The following WWC2 variants were observed in gnomAD, a reference collection of about 807,000 sequenced individuals.
The protein encoded by WWC2 is protein WWC2.
In WWC2, 101 loss-of-function variants were observed where a neutral mutation model predicts 138.5. The ratio of observed to expected loss-of-function variants is 0.73; its 90% confidence interval spans 0.62 to 0.86. The LOEUF (loss-of-function observed/expected upper bound fraction) is 0.86. Ranked by LOEUF, WWC2 falls within the 40% of genes least tolerant of loss-of-function variation. The pLI is 0.00. For synonymous variants in WWC2, 558 were observed against 538.4 expected (o/e 1.04, Z -0.50); for missense variants, 1,420 against 1,419.4 (o/e 1.00, Z -0.01).
In WWC2 at chr4:183,223,456, T is replaced by G. The variant is rs1304141578; in HGVS notation, c.522+14431T>G. On this transcript the variant is annotated intron_variant, in intron 4 of 22. Coordinates refer to ENST00000403733, the MANE Select transcript of WWC2 (RefSeq NM_024949.6). ...TACTTTCAGCCTACCCTCTGAATTA[T>G]TTTCATGACAACTTGAAATAGTGTA... 3.9e-5 allele frequency among the ~76,000 whole-genome samples: 6 copies of G among 152,238 alleles called. No individual in the cohort carries two copies. The East Asian group carries it at 1.2e-3, about 29-fold the overall frequency.
At chr4:183,314,018 T>C (rs1465483647) in intron 22 of WWC2, among the ~76,000 whole-genome samples, 1 of 151,848 alleles carries the variant, frequency 6.6e-6, no homozygotes, top group Non-Finnish European at 1.5e-5. Flanking sequence ...GTTTTTGAAG[T>C]GTGGGGAAGC....
chr4:183,173,146 G>A (rs1260583750), intron 1 of WWC2, among the ~76,000 whole-genome samples: 2 of 152,168 alleles, frequency 1.3e-5, no homozygotes, highest in East Asian at 3.9e-4. Flanking sequence ...CTAGGTTCAA[G>A]TGATCCTCCC....
chr4:183,273,610 T>C (rs1737766074), intron 16 of WWC2, among the ~76,000 whole-genome samples: 1 of 152,146 alleles, frequency 6.6e-6, no homozygotes, highest in Admixed American at 6.5e-5. Flanking sequence ...GCCTGTTTAT[T>C]TTTTTATTAT....
chr4:183,208,056 G>A lies in WWC2; in HGVS notation c.345G>A (p.Lys115=). Residue 115 remains lysine (K), a synonymous_variant, in exon 3 of 23, where the codon AAG becomes AAA. Coordinates refer to ENST00000403733, the MANE Select transcript of WWC2 (RefSeq NM_024949.6). ...SVAQDALRTQ[K]ELYHVKEQRL... is the part of the protein sequence containing the mutation. ...CACAGGATGCCCTCCGGACACAGAA[G>A]GAACTGTACCATGTGAAGGAGCAGA... 1 of 1,613,922 alleles carries A rather than the reference G, an allele frequency of 6.2e-7. No homozygotes were observed. The highest frequency in any genetic ancestry group is 8.5e-7 in the Non-Finnish European group (1 of 1,179,830).
At chr4:183,288,861 G>GA (rs1738338928) in intron 20 of WWC2, among the ~76,000 whole-genome samples, 1 of 152,172 alleles carries the variant, frequency 6.6e-6, no homozygotes, top group African/African-American at 2.4e-5. Context: ...CTGTATTCAG[G>GA]CTGACTGTCA....
chr4:183,216,513 A>G (rs1177520076), intron 4 of WWC2, among the ~76,000 whole-genome samples: 1 of 152,232 alleles, frequency 6.6e-6, no homozygotes, highest in African/African-American at 2.4e-5. Context: ...AAGATTAACT[A>G]CCACAAGAAT....
intron 1 of WWC2, among the ~76,000 whole-genome samples, chr4:183,102,671 C>T (rs748526554): frequency 6.6e-6 from 1 of 152,144 alleles, no homozygotes; most frequent in Non-Finnish European, 1.5e-5. Context: ...ATTTTTCAGG[C>T]TGAGTGACTA....
intron 16 of WWC2, among the ~76,000 whole-genome samples, chr4:183,276,036 G>A (rs1737844791): frequency 6.6e-6 from 1 of 151,970 alleles, no homozygotes; most frequent in Admixed American, 6.6e-5. Flanking sequence ...GCATCTTTCT[G>A]TTCAACTGAA....
At position 183,208,966 on chromosome 4, in the gene WWC2, T is replaced by C. The variant is rs1735518800; in HGVS notation, c.463T>C (p.Ser155Pro). The change falls in exon 4 of 23, where the codon TCC (serine) becomes CCC (proline). Residue 155 changes from serine (S) to proline (P), a missense_variant. Coordinates refer to ENST00000403733, the MANE Select transcript of WWC2 (RefSeq NM_024949.6). ...TATAAAAGTATTCTCAGGATCTTCA[T>C]CCAGTACTAAATATGATCCCGATAT... is the stretch of plus-strand genomic sequence containing the variant. The part of the protein sequence containing the change: ...SHTSLFSGSS[S>P]STKYDPDILK... 6.4e-7 allele frequency: 1 copy of C among 1,562,450 alleles called. No individual in the cohort carries two copies. Among genetic ancestry groups the C allele is most frequent in the Non-Finnish European group, 8.7e-7 (1 of 1,150,126 alleles).
intron 17 of WWC2, 142 bp from the exon 18 acceptor site, chr4:183,282,566 A>T: frequency 1.3e-6 from 1 of 784,336 alleles, no homozygotes; most frequent in Non-Finnish European, 2.0e-6. Context: ...TGAGACATTT[A>T]GTTAAAAACC....
chr4:183,226,794 T>C (rs1283678564), intron 4 of WWC2, among the ~76,000 whole-genome samples: 1 of 152,086 alleles, frequency 6.6e-6, no homozygotes, highest in African/African-American at 2.4e-5. Context: ...CCACACTGTA[T>C]GTCTCCTTCT....
intron 5 of WWC2, among the ~76,000 whole-genome samples, chr4:183,242,519 T>C (rs1372732746): frequency 6.6e-6 from 1 of 152,212 alleles, no homozygotes; most frequent in African/African-American, 2.4e-5. Context: ...TAAGCAGCAG[T>C]GTAGTATATG....
At chr4:183,120,107 C>G (rs1388854368) in intron 1 of WWC2, among the ~76,000 whole-genome samples, 1 of 152,106 alleles carries the variant, frequency 6.6e-6, no homozygotes, top group Non-Finnish European at 1.5e-5. Context: ...GGATGTTTTG[C>G]TACTTTATGA....
rs779187416 is a variant in WWC2 at position 183,284,297 on chromosome 4, C to A, written c.2955C>A (p.Ser985Arg). 2 of 1,613,872 alleles carry A rather than the reference C, an allele frequency of 1.2e-6. No individual in the cohort carries two copies. The highest frequency in any genetic ancestry group is 2.7e-5 in the African/African-American group (2 of 74,922). ...NMAVRPKERS[S>R]LSSRQHPFVR... is the part of the protein sequence containing the mutation. ...CAGTTCGCCCCAAAGAGCGCAGCAG[C>A]CTGAGCTCTAGACAGCATCCGTTTG... is the stretch of plus-strand genomic sequence containing the variant. Residue 985 changes from serine (S) to arginine (R), a missense_variant, in exon 19 of 23, where the codon AGC becomes AGA. By Grantham distance (110) the Ser-to-Arg change is moderately radical (BLOSUM62 -1). Transcript: ENST00000403733.
At chr4:183,143,942 A>G (rs1359886231) in intron 1 of WWC2, among the ~76,000 whole-genome samples, 1 of 152,202 alleles carries the variant, frequency 6.6e-6, no homozygotes, top group Non-Finnish European at 1.5e-5. Context: ...ATTTTAAGTG[A>G]TGACTTTGTA....
At chr4:183,149,681 T>C (rs1312135640) in intron 1 of WWC2, among the ~76,000 whole-genome samples, 1 of 151,642 alleles carries the variant, frequency 6.6e-6, no homozygotes, top group Non-Finnish European at 1.5e-5. Context: ...TTTTTTTTTT[T>C]TTTTGGCTGA....
chr4:183,263,444 G>C (rs2111363211), intron 11 of WWC2, among the ~76,000 whole-genome samples: 1 of 152,286 alleles, frequency 6.6e-6, no homozygotes. Flanking sequence ...AAAGTTTGTG[G>C]ATGGAGACAG....
intron 15 of WWC2, 145 bp downstream of exon 15, chr4:183,269,308 T>A: frequency 2.5e-6 from 2 of 809,266 alleles, no homozygotes; most frequent in Non-Finnish European, 4.1e-6. Context: ...TTGTTCATTT[T>A]TTTCTGAAGT....
At chr4:183,310,832 T>TA (rs34169882) in intron 21 of WWC2, among the ~76,000 whole-genome samples, 40,718 of 113,334 alleles carry the variant, frequency 0.36, 7,863 homozygotes, top group Non-Finnish European at 0.4. Context: ...TGGCATATTG[T>TA]AAAAAAAAAA....
Sources: allele counts gnomAD v4.1 joint callset (sites outside exome capture counted in the v4.1 genomes callset), GRCh38; gene constraint gnomAD v4.1.1; transcripts MANE v1.5; gene names NCBI Gene and HGNC (gene_info 2026-07-23, HGNC 2026-07-21).